NSD2: variants seen among roughly 807,000 people sequenced by gnomAD.
NSD2 encodes histone-lysine N-methyltransferase NSD2.
Under a neutral mutation model 139.0 loss-of-function variants are expected in NSD2, and 12 were observed. The ratio of observed to expected loss-of-function variants is 0.09; its 90% CI spans 0.06 to 0.14. The LOEUF is 0.14. Ranked by LOEUF, NSD2 falls within the 10% of genes least tolerant of loss-of-function variation. The pLI, the probability that NSD2 is intolerant of heterozygous loss-of-function variation, is 1.00. For synonymous variants in NSD2, 669 were observed against 648.7 expected (o/e 1.03, Z -0.48); for missense variants, 1,155 against 1,745.0 (o/e 0.66, Z 6.02).
chr4:1,978,962 G>T lies in NSD2; in HGVS notation c.*53G>T. On this transcript the variant is annotated 3_prime_UTR_variant, in exon 22 of 22. Coordinates refer to ENST00000508803, the MANE Select transcript of NSD2 (RefSeq NM_001042424.3). ...GGGGCGGTGCAGGGCGGCCGGCCCT[G>T]CCTGCGGGAGAGGGCGAGCATGAAC... The T allele has an allele frequency of 6.9e-7, 1 of 1,444,120 alleles. No homozygotes were observed. Among genetic ancestry groups the T allele is most frequent in the Non-Finnish European group, 9.1e-7 (1 of 1,096,656 alleles). The allele number at this position is 1,444,120 out of a possible 1,614,324, so 89.5% of individuals were successfully genotyped here.
intron 5 of NSD2, among the ~76,000 whole-genome samples, chr4:1,924,929 C>T (rs966495583): frequency 2.0e-5 from 3 of 152,104 alleles, no homozygotes; most frequent in Admixed American, 2.0e-4. Flanking sequence ...CCTGTCAAAG[C>T]AAAAACTACA....
At chr4:1,944,996 TGTC>T in intron 9 of NSD2, 1 of 1,064,450 alleles carries the variant, frequency 9.4e-7, no homozygotes, top group Non-Finnish European at 1.1e-6. Flanking sequence ...CAACCTTTCA[TGTC>T]GTGAAAGGCA....
chr4:1,911,608 G>GA (rs1241442182), intron 3 of NSD2, among the ~76,000 whole-genome samples: 31 of 104,738 alleles, frequency 3.0e-4, no homozygotes, highest in African/African-American at 5.5e-4. Context: ...AAAAAAAAAA[G>GA]AAAAAAAAAA....
chr4:1,923,636 C>A (rs183257236), intron 5 of NSD2, among the ~76,000 whole-genome samples: 2 of 152,326 alleles, frequency 1.3e-5, no homozygotes, highest in African/African-American at 4.8e-5. Flanking sequence ...ATTTATTACA[C>A]CTGTTTTGAG....
intron 3 of NSD2, among the ~76,000 whole-genome samples, chr4:1,908,499 G>T (rs1577408718): frequency 6.6e-6 from 1 of 152,232 alleles, no homozygotes; most frequent in Non-Finnish European, 1.5e-5. Context: ...TTGAAAAGCA[G>T]TTCAGAAGGA....
rs892928093 is a variant in NSD2 at position 1,953,583 on chromosome 4, A to G, written c.2338+59A>G. 11 of 1,520,018 alleles carry G rather than the reference A, an allele frequency of 7.2e-6. No individual in the cohort carries two copies. In the African/African-American group the frequency reaches 8.3e-5, roughly 11 times the overall value. The allele number at this position is 1,520,018 out of a possible 1,614,324, so 94.2% of individuals were successfully genotyped here. A position where few individuals can be genotyped will look rare whatever the true frequency, so the allele number is the denominator to read the frequency against. On this transcript the variant is annotated intron_variant, in intron 12 of 21. Coordinates refer to ENST00000508803, the MANE Select transcript of NSD2 (RefSeq NM_001042424.3). Reference sequence around the variant, plus strand: ...TCAGATGCAGGCCAGACGCAGGCCCATGGGCGCTTGGGAAGGTGGGCTGTT... The same window carrying G: ...TCAGATGCAGGCCAGACGCAGGCCCGTGGGCGCTTGGGAAGGTGGGCTGTT...
In NSD2 at chr4:1,948,679, ATT is replaced by A. The variant is rs972594947; in HGVS notation, c.1882-2391_1882-2390del. The A allele has an allele frequency of 3.5e-5, 37 of 1,056,712 alleles. No homozygotes were observed. The highest frequency in any genetic ancestry group is 4.2e-5 in the Non-Finnish European group (37 of 872,928). The allele number at this position is 1,056,712 out of a possible 1,614,324, so 65.5% of individuals were successfully genotyped here. On this transcript the variant is annotated intron_variant, in intron 9 of 21. Coordinates refer to ENST00000508803, the MANE Select transcript of NSD2 (RefSeq NM_001042424.3). The surrounding 1 kb of genome is among the most constrained non-coding windows in gnomAD (Gnocchi z 4.5). ...AATGAGCCTCATGTGTGTCGTTAAC[ATT>A]TATATATTTCCATTCAAAATATGTA...
intron 5 of NSD2, among the ~76,000 whole-genome samples, chr4:1,923,277 C>T (rs189816319): frequency 6.8e-6 from 1 of 147,722 alleles, no homozygotes; most frequent in African/African-American, 2.5e-5. Context: ...TTGCTTGAGC[C>T]ACTGCACCAC....
Position 1,917,152 on chromosome 4 carries a change from A to G in NSD2, c.927+115A>G, listed in dbSNP as rs74373191. The stretch of plus-strand genomic sequence containing the variant: ...CTCGAAATATTGTAATGGCTTAACA[A>G]TCTCTTTCATTGTTGACTTTTGCCC... On this transcript the variant is annotated intron_variant, in intron 4 of 21. Coordinates refer to ENST00000508803, the MANE Select transcript of NSD2 (RefSeq NM_001042424.3). 2,655 of 1,061,292 alleles carry G rather than the reference A, an allele frequency of 2.5e-3. 37 individuals are homozygous for G. The African/African-American group carries it at 0.033, about 13-fold the overall frequency. 65.7% of individuals were successfully genotyped at this position (1,061,292 alleles called of 1,614,324 possible). A position where few individuals can be genotyped will look rare whatever the true frequency, so the allele number is the denominator to read the frequency against.
chr4:1,917,194 A>G (rs112794510), intron 4 of NSD2, among the ~76,000 whole-genome samples, 157 bp downstream of exon 4: 32 of 152,302 alleles, frequency 2.1e-4, no homozygotes, highest in African/African-American at 7.5e-4. Context: ...GCCATGTTAC[A>G]ATATGATAAA....
At chr4:1,975,491 C>T (rs1025380877) in intron 20 of NSD2, 91 bp downstream of exon 20, 1 of 1,211,390 alleles carries the variant, frequency 8.3e-7, no homozygotes, top group South Asian at 1.3e-5. Flanking sequence ...GCGGCTTCCT[C>T]CAGGCTGGCT....
In NSD2 at chr4:1,973,860, C is replaced by T. The variant is rs985773608; in HGVS notation, c.3373-1003C>T. On this transcript the variant is annotated intron_variant, in intron 18 of 21. Coordinates refer to ENST00000508803, the MANE Select transcript of NSD2 (RefSeq NM_001042424.3). The surrounding 1 kb of genome is among the most constrained non-coding windows in gnomAD (Gnocchi z 5.5). ...TTTGATTTCTCCCCACGCGGTTGTG[C>T]GGTGGATCTGGCGGCTCCTCAGGTG... Among the ~76,000 whole-genome samples the T allele has an allele frequency of 5.3e-5, 8 of 152,196 alleles. No individual in the cohort carries two copies. Among genetic ancestry groups the T allele is most frequent in the African/African-American group, 9.7e-5 (4 of 41,446 alleles).
Position 1,967,890 on chromosome 4 carries a change from G to A in NSD2, c.3372+6739G>A, listed in dbSNP as rs112361507. On this transcript the variant is annotated intron_variant, in intron 18 of 21. Transcript: ENST00000508803. ...CCATGTGTGGGAAAACAGGAATTAG[G>A]GAGGGATAAGGAAAGGGAGTTGGTC... 1.9e-3 allele frequency among the ~76,000 whole-genome samples: 293 copies of A among 152,196 alleles called. 1 individual carries two copies. The highest frequency in any genetic ancestry group is 6.8e-3 in the African/African-American group (282 of 41,508).
Position 1,981,651 on chromosome 4 carries a change from TC to T in NSD2, c.*2744del. 2.6e-6 allele frequency: 1 copy of T among 389,530 alleles called. No homozygotes were observed. Among genetic ancestry groups the T allele is most frequent in the Non-Finnish European group, 4.5e-6 (1 of 220,786 alleles). 24.1% of individuals were successfully genotyped at this position (389,530 alleles called of 1,614,324 possible). A position where few individuals can be genotyped will look rare whatever the true frequency, so the allele number is the denominator to read the frequency against. ...TGTCCGTCCTCAGGCCGGCCTTTCT[TC>T]CGGCGACACCCGTCCATGGCTGGCT... is the stretch of plus-strand genomic sequence containing the variant. On this transcript the variant is annotated 3_prime_UTR_variant, in exon 22 of 22. Transcript: ENST00000508803.
intron 9 of NSD2, chr4:1,944,828 T>C: frequency 9.4e-7 from 1 of 1,063,638 alleles, no homozygotes; most frequent in Non-Finnish European, 1.1e-6. Context: ...TAAATGTCTT[T>C]TTTCAGCATA....
Position 1,940,517 on chromosome 4 carries a change from C to T in NSD2, c.1881+739C>T, listed in dbSNP as rs78963716. 8.5e-6 allele frequency: 9 copies of T among 1,064,384 alleles called. No homozygotes were observed. The East Asian group carries it at 3.0e-4, about 36-fold the overall frequency. The allele number at this position is 1,064,384 out of a possible 1,614,324, so 65.9% of individuals were successfully genotyped here. A position where few individuals can be genotyped will look rare whatever the true frequency, so the allele number is the denominator to read the frequency against. ...AACGTAGGTGTGACACTTTTTTGTT[C>T]GGAGGTAGTTTTGGTTTCCTGATTT... On this transcript the variant is annotated intron_variant, in intron 9 of 21. Transcript: ENST00000508803.
intron 3 of NSD2, among the ~76,000 whole-genome samples, chr4:1,909,068 TAAA>T (rs369569430): frequency 6.8e-6 from 1 of 146,926 alleles, no homozygotes. Flanking sequence ...AGCTCCTCCC[TAAA>T]AAAAAAAGAG....
intron 9 of NSD2, chr4:1,946,905 G>GT (rs1723693266): frequency 9.4e-7 from 1 of 1,058,944 alleles, no homozygotes; most frequent in Non-Finnish European, 1.1e-6. Context: ...CCACATTTGT[G>GT]TTTTTTTCTA....
intron 7 of NSD2, among the ~76,000 whole-genome samples, chr4:1,935,646 G>A (rs955111766): frequency 6.6e-6 from 1 of 152,260 alleles, no homozygotes; most frequent in African/African-American, 2.4e-5. Context: ...GATTGCTTGA[G>A]GTCAGGAGTT....
Sources: allele counts gnomAD v4.1 joint callset (sites outside exome capture counted in the v4.1 genomes callset), GRCh38; gene constraint gnomAD v4.1.1; non-coding constraint Gnocchi (gnomAD v3.1); transcripts MANE v1.5; gene names NCBI Gene and HGNC (gene_info 2026-07-23, HGNC 2026-07-21).